DGKI: variants seen among roughly 807,000 people sequenced by gnomAD.
DGKI encodes diacylglycerol kinase iota.
A neutral mutation model predicts 147.5 loss-of-function variants in DGKI; 55 were observed. That is an observed-to-expected ratio of 0.37 (90% CI 0.30 to 0.47). DGKI has a LOEUF of 0.47. Ranked by LOEUF, DGKI falls within the 20% of genes least tolerant of loss-of-function variation. The pLI is 1.00. For synonymous variants in DGKI, 469 were observed against 477.1 expected (o/e 0.98, Z 0.22); for missense variants, 1,007 against 1,323.8 (o/e 0.76, Z 3.71).
At chr7:137,822,442 A>G (rs1031997965) in intron 1 of DGKI, among the ~76,000 whole-genome samples, 4 of 152,128 alleles carry the variant, frequency 2.6e-5, no homozygotes, top group Non-Finnish European at 5.9e-5. Flanking sequence ...ATTCAGCCTC[A>G]GAAAAAAGAT....
At chr7:137,585,058 A>T in intron 14 of DGKI, 151 bp downstream of exon 14, 1 of 843,058 alleles carries the variant, frequency 1.2e-6, no homozygotes, top group Non-Finnish European at 1.8e-6. Flanking sequence ...TGGTAATATT[A>T]TACACATAGC....
chr7:137,843,320 C>T (rs1798602331), intron 1 of DGKI: 1 of 571,576 alleles, frequency 1.7e-6, no homozygotes. Context: ...GTCATTTACA[C>T]ATATGTATCT....
At chr7:137,793,289 T>A (rs1257427097) in intron 1 of DGKI, among the ~76,000 whole-genome samples, 2 of 150,292 alleles carry the variant, frequency 1.3e-5, no homozygotes, top group African/African-American at 5.0e-5. Flanking sequence ...CCATCTAGCA[T>A]TTTGCTGCCT....
intron 1 of DGKI, among the ~76,000 whole-genome samples, chr7:137,815,336 C>A (rs1458755468): frequency 6.6e-6 from 1 of 152,182 alleles, no homozygotes; most frequent in Admixed American, 6.5e-5. Flanking sequence ...GCTGGCCCAG[C>A]TTCTGCACAG....
At chr7:137,571,328 C>T (rs996641279) in intron 18 of DGKI, 42 bp from the exon 19 acceptor site, 1 of 1,369,344 alleles carries the variant, frequency 7.3e-7, no homozygotes, top group African/African-American at 1.5e-5. Context: ...ATGTCCCATC[C>T]TTCTCATGAC....
intron 20 of DGKI, among the ~76,000 whole-genome samples, chr7:137,529,807 T>C (rs186423124): frequency 6.0e-4 from 92 of 152,304 alleles, no homozygotes; most frequent in Admixed American, 1.2e-3. Flanking sequence ...TGGAGTGCAA[T>C]GGCACGATCT....
At chr7:137,486,036 C>T (rs1815544891) in intron 22 of DGKI, among the ~76,000 whole-genome samples, 1 of 152,078 alleles carries the variant, frequency 6.6e-6, no homozygotes, top group Admixed American at 6.6e-5. Flanking sequence ...AACTTGTCAC[C>T]ATTGTCATGC....
chr7:137,429,490 T>C (rs1432132121), intron 28 of DGKI, among the ~76,000 whole-genome samples: 4 of 149,940 alleles, frequency 2.7e-5, no homozygotes, highest in East Asian at 2.0e-4. Context: ...GACATAGGCA[T>C]GGGCAAGGAC....
At position 137,572,691 on chromosome 7, in the gene DGKI, T is replaced by C; in HGVS notation, c.1835+74A>G. 2 of 1,044,692 alleles carry C rather than the reference T, an allele frequency of 1.9e-6. 1 individual carries two copies. Among genetic ancestry groups the C allele is most frequent in the South Asian group, 3.1e-5 (2 of 63,978 alleles). The allele number at this position is 1,044,692 out of a possible 1,614,324, so 64.7% of individuals were successfully genotyped here. ...ATCTTCATTGTTTACATCTGAAACT[T>C]TTCTGTTATGAAAACAGATAACCTC... is the stretch of plus-strand genomic sequence containing the variant. On this transcript the variant is annotated intron_variant, in intron 18 of 32. Coordinates refer to ENST00000614521, the MANE Select transcript of DGKI (RefSeq NM_001321708.2).
chr7:137,842,309 C>T (rs1242141766), intron 1 of DGKI, among the ~76,000 whole-genome samples: 1 of 152,208 alleles, frequency 6.6e-6, no homozygotes, highest in African/African-American at 2.4e-5. Flanking sequence ...CACAACCTTA[C>T]TTTGTGGGAC....
intron 21 of DGKI, chr7:137,493,908 C>A (rs959809021): frequency 2.0e-5 from 12 of 611,414 alleles, no homozygotes; most frequent in Admixed American, 8.5e-5. Context: ...AAAGTTAACA[C>A]CCAATCCAAA....
At chr7:137,615,883 G>C (rs369459417) in intron 8 of DGKI, among the ~76,000 whole-genome samples, 2 of 152,004 alleles carry the variant, frequency 1.3e-5, no homozygotes, top group African/African-American at 4.8e-5. Context: ...AATTAGTTAC[G>C]TGGCTACAGC....
At chr7:137,729,108 G>GA (rs1794796390) in intron 1 of DGKI, among the ~76,000 whole-genome samples, 1 of 141,710 alleles carries the variant, frequency 7.1e-6, no homozygotes, top group Non-Finnish European at 1.5e-5. Context: ...GAATCATTGA[G>GA]AAAAAACAGA....
At chr7:137,454,724 T>C (rs1021958823) in intron 27 of DGKI, 2 of 152,114 alleles carry the variant, frequency 1.3e-5, no homozygotes, top group African/African-American at 4.8e-5. Context: ...AAAGGCACAT[T>C]ATTCTAAAAT....
intron 30 of DGKI, among the ~76,000 whole-genome samples, chr7:137,402,958 G>A (rs951902118): frequency 2.0e-5 from 3 of 152,154 alleles, no homozygotes; most frequent in African/African-American, 7.2e-5. Context: ...ATTTCTATCA[G>A]GAAAACCAGT....
intron 1 of DGKI, among the ~76,000 whole-genome samples, chr7:137,769,018 GA>G (rs3842146): frequency 6.6e-6 from 1 of 151,900 alleles, no homozygotes; most frequent in African/African-American, 2.4e-5. Context: ...GAAGAAGTCA[GA>G]AAAAAAAGTC....
At chr7:137,468,514 G>A (rs956313472) in intron 24 of DGKI, among the ~76,000 whole-genome samples, 19 of 152,334 alleles carry the variant, frequency 1.2e-4, no homozygotes, top group Non-Finnish European at 2.4e-4. Flanking sequence ...AAAGTTCTGA[G>A]AGGCAGCTGA....
In DGKI at chr7:137,650,908, AC is replaced by A. The variant is rs550609831; in HGVS notation, c.738+3823del. Among the ~76,000 whole-genome samples the A allele has an allele frequency of 2.6e-5, 4 of 152,368 alleles. No homozygotes were observed. The East Asian group carries it at 7.7e-4, about 29-fold the overall frequency. ...GATTTTCAGTACAGCAGTGAAATAC[AC>A]AAATATCCAAAGGTGGGGAATATCT... On this transcript the variant is annotated intron_variant, in intron 5 of 32. Transcript: ENST00000614521.
In DGKI at chr7:137,387,937, G is replaced by A. The variant is rs1323431911; in HGVS notation, c.*3283C>T. 2 of 152,176 alleles carry A rather than the reference G, an allele frequency of 1.3e-5. No homozygotes were observed. Among genetic ancestry groups the A allele is most frequent in the East Asian group, 1.9e-4 (1 of 5,198 alleles). 9.4% of individuals were successfully genotyped at this position (152,176 alleles called of 1,614,324 possible). Reference sequence around the variant, plus strand: ...AAAGGGACTCTCACTAGGTCCAGATGAAAATGAAGTGATGTTGAGTAGCTC... The same window carrying A: ...AAAGGGACTCTCACTAGGTCCAGATAAAAATGAAGTGATGTTGAGTAGCTC... On this transcript the variant is annotated 3_prime_UTR_variant, in exon 33 of 33. Transcript: ENST00000614521.
Sources: gnomAD v4.1 joint callset for allele counts (sites outside exome capture counted in the v4.1 genomes callset) on GRCh38, gnomAD v4.1.1 for gene constraint, MANE v1.5 for transcripts, NCBI Gene and HGNC (gene_info 2026-07-23, HGNC 2026-07-21) for gene names.